Variants in KLHL14 observed in about 807,000 individuals in gnomAD.
The protein encoded by KLHL14 is kelch-like protein 14.
In KLHL14, 22 loss-of-function variants were observed where a neutral mutation model predicts 64.3. The ratio of observed to expected loss-of-function variants is 0.34; its 90% CI spans 0.24 to 0.49. KLHL14 has a LOEUF of 0.49. Among genes scored for constraint, KLHL14 ranks in the 20% least tolerant of loss-of-function variants. The probability of loss-of-function intolerance (pLI) is 0.99; values close to 1 mark genes in which losing one functional copy is unlikely to be tolerated. For synonymous variants in KLHL14, 322 were observed against 333.4 expected, an observed-to-expected ratio of 0.97 and a Z score of 0.37; for missense variants, 661 against 789.0, an observed-to-expected ratio of 0.84 and a Z score of 1.94.
intron 3 of KLHL14, among the ~76,000 whole-genome samples, chr18:32,729,321 C>T (rs753232476): frequency 6.6e-5 from 10 of 152,072 alleles, no homozygotes; most frequent in Non-Finnish European, 1.3e-4. Flanking sequence ...AGCCACTTGC[C>T]ACAGGGGGTT....
chr18:32,757,455 G>C (rs895318116), intron 2 of KLHL14, among the ~76,000 whole-genome samples: 3 of 152,156 alleles, frequency 2.0e-5, no homozygotes, highest in African/African-American at 7.2e-5. Flanking sequence ...GTGCTTTGCT[G>C]TTTCCTGCTG....
At chr18:32,741,812 A>T in intron 3 of KLHL14, 116 bp downstream of exon 3, 2 of 1,226,226 alleles carry the variant, frequency 1.6e-6, no homozygotes, top group Admixed American at 3.2e-5. Context: ...CAAACCTCCA[A>T]AGGGGAACAA....
At chr18:32,710,840 G>A (rs1229612438) in intron 3 of KLHL14, among the ~76,000 whole-genome samples, 1 of 152,216 alleles carries the variant, frequency 6.6e-6, no homozygotes, top group East Asian at 1.9e-4. Flanking sequence ...AGGCATGGTG[G>A]CTGTTGAACT....
intron 2 of KLHL14, among the ~76,000 whole-genome samples, chr18:32,750,241 T>C (rs2050244558): frequency 6.6e-6 from 1 of 152,128 alleles, no homozygotes; most frequent in Non-Finnish European, 1.5e-5. Flanking sequence ...CAAAATAGTT[T>C]TGGTTTTCCA....
At chr18:32,686,210 T>TA (rs2144474361) in intron 5 of KLHL14, among the ~76,000 whole-genome samples, 1 of 148,670 alleles carries the variant, frequency 6.7e-6, no homozygotes. Context: ...TTGTATTTTT[T>TA]AGTAGAGACG....
chr18:32,724,115 G>A (rs1170343710), intron 3 of KLHL14, among the ~76,000 whole-genome samples: 1 of 152,144 alleles, frequency 6.6e-6, no homozygotes, highest in Non-Finnish European at 1.5e-5. Flanking sequence ...CATAGAACAT[G>A]GCTTAATAGA....
intron 4 of KLHL14, among the ~76,000 whole-genome samples, chr18:32,688,679 G>A (rs2049892391): frequency 6.6e-6 from 1 of 152,188 alleles, no homozygotes; most frequent in Non-Finnish European, 1.5e-5. Context: ...TCAGAAAGGG[G>A]TCAAGGGCCA....
At chr18:32,713,437 A>G (rs1332580006) in intron 3 of KLHL14, among the ~76,000 whole-genome samples, 2 of 152,128 alleles carry the variant, frequency 1.3e-5, no homozygotes, top group Non-Finnish European at 2.9e-5. Context: ...TGTAAAATAA[A>G]TGACTTATTT....
intron 2 of KLHL14, among the ~76,000 whole-genome samples, chr18:32,768,434 A>ACCC (rs2050358767): frequency 8.1e-6 from 1 of 123,762 alleles, no homozygotes; most frequent in African/African-American, 3.1e-5. Context: ...CACACACACC[A>ACCC]TTTAATTCTA....
In KLHL14 at chr18:32,683,318, A is replaced by G. The variant is rs1313049116; in HGVS notation, c.1239-2719T>C. ...ACTTCCTGATGACAAGTGCATTTTT[A>G]GGTAGAAATTCCAATAGTAAAGATT... On this transcript the variant is annotated intron_variant, in intron 5 of 8. Transcript: ENST00000359358. This position sits in a 1 kb window ranked among gnomAD's most constrained non-coding sequence, Gnocchi z 4.2. Among the ~76,000 whole-genome samples, 1 of 152,200 alleles carries G rather than the reference A, an allele frequency of 6.6e-6. No individual in the cohort carries two copies. Among genetic ancestry groups the G allele is most frequent in the Non-Finnish European group, 1.5e-5 (1 of 68,032 alleles).
intron 4 of KLHL14, among the ~76,000 whole-genome samples, chr18:32,693,987 TG>T (rs150498308): frequency 0.02 from 2,829 of 143,390 alleles, 87 homozygotes; most frequent in African/African-American, 0.066. Context: ...TGTTTTGTTT[TG>T]TTTTGTTTTT....
At chr18:32,736,637 C>T (rs2050167712) in intron 3 of KLHL14, among the ~76,000 whole-genome samples, 1 of 152,044 alleles carries the variant, frequency 6.6e-6, no homozygotes, top group African/African-American at 2.4e-5. Flanking sequence ...TTGGTTAATT[C>T]TGCAGCCCCA....
At chr18:32,721,617 A>G (rs2050080280) in intron 3 of KLHL14, among the ~76,000 whole-genome samples, 1 of 152,168 alleles carries the variant, frequency 6.6e-6, no homozygotes, top group South Asian at 2.1e-4. Context: ...ACCTTGATAC[A>G]TTATTTTTCA....
chr18:32,745,319 C>T (rs1057335652), intron 2 of KLHL14: 5 of 152,058 alleles, frequency 3.3e-5, no homozygotes, highest in African/African-American at 1.2e-4. Context: ...GAAGATGAAC[C>T]AAATTGAAAC....
intron 3 of KLHL14, among the ~76,000 whole-genome samples, chr18:32,699,259 A>G (rs2144489315): frequency 6.6e-6 from 1 of 152,254 alleles, no homozygotes; most frequent in African/African-American, 2.4e-5. Context: ...AACATTTACT[A>G]TGTGCCACAT....
At chr18:32,696,490 T>G (rs1259464164) in intron 3 of KLHL14, among the ~76,000 whole-genome samples, 1 of 152,134 alleles carries the variant, frequency 6.6e-6, no homozygotes, top group African/African-American at 2.4e-5. Context: ...TTGGGCCCAG[T>G]AGGAAAAATG....
rs181989831 is a variant in KLHL14 at position 32,683,867 on chromosome 18, T to A, written c.1239-3268A>T. Among the ~76,000 whole-genome samples, 1 of 152,206 alleles carries A rather than the reference T, an allele frequency of 6.6e-6. No individual in the cohort carries two copies. Among genetic ancestry groups the A allele is most frequent in the Non-Finnish European group, 1.5e-5 (1 of 68,038 alleles). On this transcript the variant is annotated intron_variant, in intron 5 of 8. Coordinates refer to ENST00000359358, the MANE Select transcript of KLHL14 (RefSeq NM_020805.3). The surrounding 1 kb of genome is among the most constrained non-coding windows in gnomAD (Gnocchi z 4.2). ...GTCGTTGGATTAAAAACAATGGATA[T>A]GTTAGAAAGAATATTGTCTCCCATT...
intron 2 of KLHL14, among the ~76,000 whole-genome samples, chr18:32,754,152 AAGCT>A (rs2050270308): frequency 1.3e-5 from 2 of 152,176 alleles, no homozygotes; most frequent in Non-Finnish European, 2.9e-5. Context: ...GGAGCCATTC[AAGCT>A]CTGTATAGCC....
At chr18:32,696,095 T>TTA (rs2049935400) in intron 3 of KLHL14, among the ~76,000 whole-genome samples, 1 of 152,194 alleles carries the variant, frequency 6.6e-6, no homozygotes, top group Non-Finnish European at 1.5e-5. Flanking sequence ...CCTGCTGATT[T>TTA]AATGCCTCCT....
Sources: allele counts gnomAD v4.1 joint callset (sites outside exome capture counted in the v4.1 genomes callset), GRCh38; gene constraint gnomAD v4.1.1; non-coding constraint Gnocchi (gnomAD v3.1); transcripts MANE v1.5; gene names NCBI Gene and HGNC (gene_info 2026-07-23, HGNC 2026-07-21).